The following KAZN variants were observed in gnomAD, a reference collection of about 807,000 sequenced individuals.
KAZN encodes kazrin, periplakin interacting protein.
A neutral mutation model predicts 87.4 loss-of-function variants in KAZN; 40 were observed. The observed-to-expected ratio is 0.46, with a 90% CI of 0.36 to 0.60. The LOEUF is 0.60. Among genes scored for constraint, KAZN ranks in the 20% least tolerant of loss-of-function variants. The pLI is 0.00. For missense variants in KAZN, 898 were observed against 1,073.9 expected, an observed-to-expected ratio of 0.84 and a Z score of 2.29; for synonymous variants, 466 against 458.3, an observed-to-expected ratio of 1.02 and a Z score of -0.22.
intron 2 of KAZN, among the ~76,000 whole-genome samples, chr1:14,546,226 A>C (rs1673132041): frequency 6.6e-6 from 1 of 152,218 alleles, no homozygotes; most frequent in African/African-American, 2.4e-5. Flanking sequence ...TTCTCTTATA[A>C]TACACACTGT....
chr1:14,280,326 G>C (rs1246173077), intron 2 of KAZN, among the ~76,000 whole-genome samples: 1 of 132,066 alleles, frequency 7.6e-6, no homozygotes, highest in Non-Finnish European at 1.5e-5. Flanking sequence ...AGCCAAGATC[G>C]CGCCACTGCA....
intron 1 of KAZN, among the ~76,000 whole-genome samples, chr1:14,783,017 G>A (rs185075306): frequency 1.6e-3 from 242 of 152,122 alleles, no homozygotes; most frequent in Middle Eastern, 3.4e-3. Flanking sequence ...GTAGCTTCTC[G>A]AGAGACTCAG....
chr1:14,745,262 GAA>G (rs528235060), intron 1 of KAZN, among the ~76,000 whole-genome samples: 27 of 99,348 alleles, frequency 2.7e-4, no homozygotes, highest in African/African-American at 6.9e-4. Context: ...AGAAAAAAAG[GAA>G]AAAAAAAAAA....
At chr1:14,889,886 A>G (rs1451361277) in intron 1 of KAZN, among the ~76,000 whole-genome samples, 1 of 152,246 alleles carries the variant, frequency 6.6e-6, no homozygotes, top group East Asian at 1.9e-4. Flanking sequence ...CCTTTGCAGA[A>G]AAAGCCTGTC....
intron 2 of KAZN, among the ~76,000 whole-genome samples, chr1:15,024,755 A>C (rs946533030): frequency 1.1e-4 from 17 of 152,110 alleles, no homozygotes; most frequent in African/African-American, 4.1e-4. Flanking sequence ...GGCACCTTAA[A>C]ATTTGAGCAC....
chr1:14,774,184 G>A (rs1247398886), intron 1 of KAZN, among the ~76,000 whole-genome samples: 1 of 152,164 alleles, frequency 6.6e-6, no homozygotes, highest in Non-Finnish European at 1.5e-5. Context: ...GTCTGGGGGT[G>A]AAACTGGTCT....
intron 2 of KAZN, among the ~76,000 whole-genome samples, chr1:14,256,339 A>G (rs565876361): frequency 2.0e-5 from 3 of 152,198 alleles, no homozygotes; most frequent in South Asian, 2.1e-4. Flanking sequence ...TAGACACCCC[A>G]TATTACCCAC....
intron 1 of KAZN, among the ~76,000 whole-genome samples, chr1:13,976,117 C>T (rs780425155): frequency 2.0e-5 from 3 of 152,178 alleles, no homozygotes; most frequent in African/African-American, 7.2e-5. Context: ...ATAATGTCTT[C>T]GTGAGAATTC....
Position 14,018,943 on chromosome 1 carries a change from G to A in KAZN, c.91+125187G>A, listed in dbSNP as rs74749617. On this transcript the variant is annotated intron_variant, in intron 1 of 16. Coordinates refer to the KAZN transcript ENST00000636203. ...AGATGGCCTGTCATGGGACTTCTCA[G>A]CCTCCATTATCACATGAGCCAAGGC... 7.2e-4 allele frequency among the ~76,000 whole-genome samples: 109 copies of A among 152,272 alleles called. No individual in the cohort carries two copies. In the East Asian group the frequency reaches 0.011, roughly 16 times the overall value.
chr1:14,528,871 A>G (rs542338752), intron 2 of KAZN, among the ~76,000 whole-genome samples: 1 of 151,566 alleles, frequency 6.6e-6, no homozygotes, highest in Admixed American at 6.6e-5. Flanking sequence ...CTCTGAACAA[A>G]CTCCACTTTA....
intron 2 of KAZN, among the ~76,000 whole-genome samples, chr1:15,027,825 G>GTTGTTTGT (rs75138304): frequency 1.4e-4 from 22 of 151,964 alleles, no homozygotes; most frequent in East Asian, 1.2e-3. Context: ...GCCCACAGTG[G>GTTGTTTGT]TTGTTTGTTT....
At chr1:13,936,031 T>C (rs1455323605) in intron 1 of KAZN, among the ~76,000 whole-genome samples, 1 of 150,920 alleles carries the variant, frequency 6.6e-6, no homozygotes, top group Non-Finnish European at 1.5e-5. Context: ...TCCTAGTATT[T>C]ATACTATATA....
At chr1:14,031,837 A>G (rs1161813338) in intron 1 of KAZN, among the ~76,000 whole-genome samples, 5 of 152,204 alleles carry the variant, frequency 3.3e-5, no homozygotes, top group Admixed American at 6.5e-5. Context: ...TGGACATTGT[A>G]TGAAGTGGAA....
chr1:14,002,492 C>T (rs1557775151), intron 1 of KAZN, among the ~76,000 whole-genome samples: 1 of 152,194 alleles, frequency 6.6e-6, no homozygotes. Flanking sequence ...TAAGAAGTGC[C>T]TTTTGCCTTC....
Position 14,344,088 on chromosome 1 carries a change from C to T in KAZN, c.249+163496C>T, listed in dbSNP as rs79477803. Among the ~76,000 whole-genome samples, 1,007 of 152,086 alleles carry T rather than the reference C, an allele frequency of 6.6e-3. 11 individuals are homozygous for T. Among genetic ancestry groups the T allele is most frequent in the African/African-American group, 0.023 (958 of 41,464 alleles). On this transcript the variant is annotated intron_variant, in intron 2 of 16. Transcript: ENST00000636203. ...CCCCTTGATGCCAATGTGCCATGCTCCAAGATCTTGTCCTGCCTATTATGG... is the reference window on the plus strand; with the variant it reads ...CCCCTTGATGCCAATGTGCCATGCTTCAAGATCTTGTCCTGCCTATTATGG...
chr1:14,232,841 A>G (rs1301083820), intron 2 of KAZN, among the ~76,000 whole-genome samples: 3 of 152,242 alleles, frequency 2.0e-5, no homozygotes, highest in African/African-American at 7.2e-5. Flanking sequence ...AAGATATCTC[A>G]AGATGTCAAT....
chr1:14,727,470 T>C (rs1469601630), intron 1 of KAZN, among the ~76,000 whole-genome samples: 3,551 of 80,428 alleles, frequency 0.044, 487 homozygotes, highest in African/African-American at 0.18. Context: ...TTTTTTTTTT[T>C]TTTTTTTTTT....
rs140346339 is a variant in KAZN at position 14,718,254 on chromosome 1, C to T, written c.226+119031C>T. 6.1e-3 allele frequency among the ~76,000 whole-genome samples: 924 copies of T among 152,326 alleles called. 3 individuals carry two copies. The highest frequency in any genetic ancestry group is 9.3e-3 in the Non-Finnish European group (630 of 68,026). Reference sequence around the variant, plus strand: ...GCTCATTTCCGTTAAGTGCCCATCTCCCTGGTTTATGTTGCCACCACATTT... The same window carrying T: ...GCTCATTTCCGTTAAGTGCCCATCTTCCTGGTTTATGTTGCCACCACATTT... On this transcript the variant is annotated intron_variant, in intron 1 of 14. Transcript: ENST00000376030.
At chr1:14,183,362 G>A (rs1006450570) in intron 2 of KAZN, among the ~76,000 whole-genome samples, 1 of 152,162 alleles carries the variant, frequency 6.6e-6, no homozygotes, top group African/African-American at 2.4e-5. Flanking sequence ...AGCCCAGAAA[G>A]CCCGCAATTA....
Sources: gnomAD v4.1 joint callset for allele counts (sites outside exome capture counted in the v4.1 genomes callset) on GRCh38, gnomAD v4.1.1 for gene constraint, MANE v1.5 for transcripts, NCBI Gene and HGNC (gene_info 2026-07-23, HGNC 2026-07-21) for gene names.